Variants in STRAP observed in about 807,000 individuals in gnomAD.
STRAP encodes the protein serine-threonine kinase receptor-associated protein.
In STRAP, 16 loss-of-function variants were observed where a neutral mutation model predicts 47.0. The ratio of observed to expected loss-of-function variants is 0.34; its 90% confidence interval spans 0.23 to 0.52. The LOEUF is 0.52. Among genes scored for constraint, STRAP ranks in the 20% least tolerant of loss-of-function variants. The pLI is 0.96. For synonymous variants in STRAP, 130 were observed against 142.7 expected (o/e 0.91, Z 0.63); for missense variants, 293 against 420.0 (o/e 0.70, Z 2.64).
chr12:15,896,542 GT>G lies in STRAP; in HGVS notation c.638+1057del, dbSNP rs371747383. 0.013 allele frequency among the ~76,000 whole-genome samples: 1,895 copies of G among 145,344 alleles called. 39 individuals are homozygous for G. The highest frequency in any genetic ancestry group is 0.043 in the African/African-American group (1,700 of 39,846). On this transcript the variant is annotated intron_variant, in intron 6 of 9. Coordinates refer to ENST00000419869, the MANE Select transcript of STRAP (RefSeq NM_007178.4). The surrounding 1 kb of genome is among the most constrained non-coding windows in gnomAD (Gnocchi z 4.1). ...ATATATGTGGGTGTACAGTATTTGT[GT>G]TTTTTTTTTTAATTACTAGGACCAT...
rs927578808 is a variant in STRAP, at chr12:15,890,496, A to T, written c.331-101A>T. 1.3e-5 allele frequency: 13 copies of T among 965,528 alleles called. No homozygotes were observed. In the African/African-American group the frequency reaches 2.0e-4, roughly 15 times the overall value. The allele number at this position is 965,528 out of a possible 1,614,324, so 59.8% of individuals were successfully genotyped here. ...GGTTATGTCTTGGCATCTCTTTGTG[A>T]TGTCTGTGAGCTAGATTTTGATTTT... On this transcript the variant is annotated intron_variant, in intron 3 of 9. Coordinates refer to ENST00000419869, the MANE Select transcript of STRAP (RefSeq NM_007178.4). This position sits in a 1 kb window ranked among gnomAD's most constrained non-coding sequence, Gnocchi z 4.5.
intron 6 of STRAP, among the ~76,000 whole-genome samples, chr12:15,895,862 G>GA (rs778939065): frequency 0.019 from 1,164 of 61,548 alleles, 7 homozygotes; most frequent in Non-Finnish European, 0.024. Flanking sequence ...AACCTCCTCT[G>GA]AAAAAAAAAA....
rs1003510053 is a variant in STRAP at position 15,894,229 on chromosome 12, C to T, written c.500+86C>T. On this transcript the variant is annotated intron_variant, in intron 5 of 9. Transcript: ENST00000419869. This position sits in a 1 kb window ranked among gnomAD's most constrained non-coding sequence, Gnocchi z 4.9. ...AATCTCAGCACTTTGGGAGGCGAGC[C>T]GGGTGGATCATTAGAGGTCAGGAGT... is the stretch of plus-strand genomic sequence containing the variant. 37 of 1,033,042 alleles carry T rather than the reference C, an allele frequency of 3.6e-5. No homozygotes were observed. The highest frequency in any genetic ancestry group is 3.2e-4 in the Middle Eastern group (1 of 3,124). 64.0% of individuals were successfully genotyped at this position (1,033,042 alleles called of 1,614,324 possible).
In STRAP at chr12:15,883,552, A is replaced by T. The variant is rs754743986; in HGVS notation, c.124A>T (p.Met42Leu). The change falls in exon 2 of 10, where the codon ATG (methionine) becomes TTG (leucine). Residue 42 changes from methionine to leucine, a missense_variant. Physicochemically the swap from Met to Leu is conservative, Grantham distance 15 (BLOSUM62 2). Transcript: ENST00000419869. ...AAAATATTTTCTAGATGGTAAACCTATGCTACGCCAGGGAGATACAGGAGA... is the reference window on the plus strand; with the variant it reads ...AAAATATTTTCTAGATGGTAAACCTTTGCTACGCCAGGGAGATACAGGAGA... ...LISACKDGKP[M>L]LRQGDTGDWI... The T allele has an allele frequency of 1.3e-5, 21 of 1,613,512 alleles. No individual in the cohort carries two copies. In the South Asian group the frequency reaches 2.3e-4, roughly 18 times the overall value.
At chr12:15,898,252 TTCA>T in intron 7 of STRAP, 2 of 258,412 alleles carry the variant, frequency 7.7e-6, no homozygotes, top group Non-Finnish European at 1.4e-5. Flanking sequence ...TTAACTAAAG[TTCA>T]TCATTATGCT....
Position 15,902,934 on chromosome 12 carries a change from A to G in STRAP, c.1009A>G (p.Asn337Asp). The change falls in exon 10 of 10, where the codon AAT becomes GAT. Residue 337 changes from asparagine (N) to aspartate (D), a missense_variant. Physicochemically the swap from Asn to Asp is conservative, Grantham distance 23. Around this residue, in one of 5 missense-constraint regions of STRAP, gnomAD observed 52 missense variants for 45.0 expected, o/e 1.16. Coordinates refer to ENST00000419869, the MANE Select transcript of STRAP (RefSeq NM_007178.4). Reference protein sequence around the residue: ...EEELEEIASENSDCIFPSAPD... With the variant: ...EEELEEIASEDSDCIFPSAPD... ...ACTTATAGAAGAAATTGCTTCAGAG[A>G]ATTCAGATTGCATCTTTCCTTCAGC... 6.6e-7 allele frequency: 1 copy of G among 1,520,354 alleles called. No individual in the cohort carries two copies. The highest frequency in any genetic ancestry group is 8.7e-7 in the Non-Finnish European group (1 of 1,146,822). The allele number at this position is 1,520,354 out of a possible 1,614,324, so 94.2% of individuals were successfully genotyped here.
chr12:15,899,817 C>T (rs949232999), intron 7 of STRAP, 87 bp from the exon 8 acceptor site: 3 of 1,311,404 alleles, frequency 2.3e-6, no homozygotes, highest in South Asian at 1.3e-5. Flanking sequence ...TCCATCTCCC[C>T]AGTAACACAG....
rs762858759 is a variant in STRAP at position 15,894,182 on chromosome 12, G to T, written c.500+39G>T. ...CTTTAATAATTTACAATTTAAGGCC[G>T]GGCATGGTGGCTCACGCCTATAATC... On this transcript the variant is annotated intron_variant, in intron 5 of 9. Coordinates refer to ENST00000419869, the MANE Select transcript of STRAP (RefSeq NM_007178.4). The surrounding 1 kb of genome is among the most constrained non-coding windows in gnomAD (Gnocchi z 4.9). 6.5e-7 allele frequency: 1 copy of T among 1,528,904 alleles called. No homozygotes were observed. Among genetic ancestry groups the T allele is most frequent in the South Asian group, 1.1e-5 (1 of 89,056 alleles). The allele number at this position is 1,528,904 out of a possible 1,614,324, so 94.7% of individuals were successfully genotyped here.
chr12:15,883,796 A>G lies in STRAP; in HGVS notation c.248+120A>G. ...ACTCACTGGCTGCCATACAGAACGCATGTTTGATCCCACCAAAATTCCATC... is the reference window on the plus strand; with the variant it reads ...ACTCACTGGCTGCCATACAGAACGCGTGTTTGATCCCACCAAAATTCCATC... On this transcript the variant is annotated intron_variant, in intron 2 of 9. Coordinates refer to ENST00000419869, the MANE Select transcript of STRAP (RefSeq NM_007178.4). 3 of 1,312,992 alleles carry G rather than the reference A, an allele frequency of 2.3e-6. No individual in the cohort carries two copies. The African/African-American group carries it at 4.4e-5, about 19-fold the overall frequency. 81.3% of individuals were successfully genotyped at this position (1,312,992 alleles called of 1,614,324 possible). A position where few individuals can be genotyped will look rare whatever the true frequency, so the allele number is the denominator to read the frequency against.
intron 6 of STRAP, among the ~76,000 whole-genome samples, 169 bp from the exon 7 acceptor site, chr12:15,897,712 GA>G (rs1948071706): frequency 1.5e-5 from 2 of 133,304 alleles, no homozygotes; most frequent in Admixed American, 7.3e-5. Context: ...GTATCCATTT[GA>G]TTTTTTTTTT....
chr12:15,883,480 G>T, intron 1 of STRAP, 61 bp from the exon 2 acceptor site: 2 of 1,529,692 alleles, frequency 1.3e-6, no homozygotes, highest in South Asian at 2.4e-5. Context: ...ATTTACATTT[G>T]AATCTTAGAC....
chr12:15,900,686 C>A (rs1162937132), intron 8 of STRAP, among the ~76,000 whole-genome samples: 4 of 152,092 alleles, frequency 2.6e-5, no homozygotes, highest in African/African-American at 9.7e-5. Flanking sequence ...ACTCACTGAT[C>A]CACACCAATA....
In STRAP at chr12:15,903,091, A is replaced by ATC; in HGVS notation, c.*113_*114insTC. The ATC allele has an allele frequency of 8.3e-7, 1 of 1,197,680 alleles. No individual in the cohort carries two copies. The highest frequency in any genetic ancestry group is 1.1e-6 in the Non-Finnish European group (1 of 890,660). The allele number at this position is 1,197,680 out of a possible 1,614,324, so 74.2% of individuals were successfully genotyped here. On this transcript the variant is annotated 3_prime_UTR_variant, in exon 10 of 10. Transcript: ENST00000419869. ...AAGGCAGAAACAGCAGTAAATAATG[A>ATC]GGAAAATGAATTAGCTCCAGTGCTG...
intron 1 of STRAP, 27 bp downstream of exon 1, chr12:15,882,846 CG>C (rs761912064): frequency 2.2e-5 from 35 of 1,594,442 alleles, no homozygotes; most frequent in Non-Finnish European, 2.9e-5. Flanking sequence ...TCCTGGTCCT[CG>C]ACGGCTGGGA....
In STRAP at chr12:15,894,267, T is replaced by C; in HGVS notation, c.500+124T>C. On this transcript the variant is annotated intron_variant, in intron 5 of 9. Transcript: ENST00000419869. The surrounding 1 kb of genome is among the most constrained non-coding windows in gnomAD (Gnocchi z 4.9). Reference sequence around the variant, plus strand: ...AGAGGTCAGGAGTACTAGACCAGCCTGGCCGACATGGCGAAATACTGTCTC... The same window carrying C: ...AGAGGTCAGGAGTACTAGACCAGCCCGGCCGACATGGCGAAATACTGTCTC... 1.5e-6 allele frequency: 1 copy of C among 649,066 alleles called. No homozygotes were observed. Among genetic ancestry groups the C allele is most frequent in the Non-Finnish European group, 2.7e-6 (1 of 375,416 alleles). 40.2% of individuals were successfully genotyped at this position (649,066 alleles called of 1,614,324 possible).
intron 8 of STRAP, among the ~76,000 whole-genome samples, chr12:15,900,341 C>A (rs1948093213): frequency 6.6e-6 from 1 of 151,732 alleles, no homozygotes; most frequent in Non-Finnish European, 1.5e-5. Flanking sequence ...ACCAGCCTGG[C>A]CAACATGGTG....
In STRAP at chr12:15,891,085, G is replaced by A. The variant is rs765170639; in HGVS notation, c.403+416G>A. 1.6e-4 allele frequency among the ~76,000 whole-genome samples: 24 copies of A among 151,594 alleles called. 1 individual carries two copies. Among genetic ancestry groups the A allele is most frequent in the Non-Finnish European group, 2.7e-4 (18 of 67,892 alleles). ...CAAAAAAAAAAAAATAGTCAACAAA[G>A]AAGAAAATTAAAACGTAATTCATCA... On this transcript the variant is annotated intron_variant, in intron 4 of 9. Coordinates refer to ENST00000419869, the MANE Select transcript of STRAP (RefSeq NM_007178.4).
At chr12:15,892,993 T>G (rs1948029596) in intron 4 of STRAP, among the ~76,000 whole-genome samples, 1 of 152,236 alleles carries the variant, frequency 6.6e-6, no homozygotes, top group Admixed American at 6.5e-5. Flanking sequence ...CTATTCGCAT[T>G]TGTAACCATT....
At chr12:15,901,156 A>G (rs1266518801) in intron 9 of STRAP, 144 bp downstream of exon 9, 2 of 538,612 alleles carry the variant, frequency 3.7e-6, no homozygotes, top group South Asian at 4.1e-5. Context: ...ATGCATGTAT[A>G]TATACATATT....
Sources: allele counts gnomAD v4.1 joint callset (sites outside exome capture counted in the v4.1 genomes callset), GRCh38; gene constraint gnomAD v4.1.1; regional missense constraint gnomAD v4.1.1; non-coding constraint Gnocchi (gnomAD v3.1); transcripts MANE v1.5; gene names NCBI Gene and HGNC (gene_info 2026-07-23, HGNC 2026-07-21).